GLIS3: variants seen among roughly 807,000 people sequenced by gnomAD.
The protein encoded by GLIS3 is GLIS family zinc finger 3, also known as zinc finger protein GLIS3.
GLIS3 carries 53 observed loss-of-function variants against 78.6 expected under a neutral mutation model. The observed-to-expected ratio is 0.67, with a 90% CI of 0.54 to 0.85. The LOEUF (loss-of-function observed/expected upper bound fraction) is 0.85. Ranked by LOEUF, GLIS3 falls within the 40% of genes least tolerant of loss-of-function variation. The probability of loss-of-function intolerance (pLI) is 0.00; values close to 1 mark genes in which losing one functional copy is unlikely to be tolerated. For synonymous variants in GLIS3, 684 were observed against 509.9 expected (o/e 1.34, Z -4.60); for missense variants, 1,703 against 1,231.1 (o/e 1.38, Z -5.74).
At chr9:4,197,092 T>G (rs76775093) in intron 2 of GLIS3, among the ~76,000 whole-genome samples, 1,991 of 152,178 alleles carry the variant, frequency 0.013, 44 homozygotes, top group East Asian at 0.027. Context: ...TCCTAGCCTA[T>G]ATCAGCAGCC....
intron 4 of GLIS3, among the ~76,000 whole-genome samples, chr9:4,084,605 G>A (rs907397295): frequency 6.6e-6 from 1 of 152,236 alleles, no homozygotes; most frequent in South Asian, 2.1e-4. Context: ...AGCAGCCGAA[G>A]GATGGTGGTT....
intron 1 of GLIS3, among the ~76,000 whole-genome samples, chr9:4,287,184 A>C (rs1400165798): frequency 6.6e-6 from 1 of 152,204 alleles, no homozygotes; most frequent in African/African-American, 2.4e-5. Flanking sequence ...CAACAACAGG[A>C]TACTGCAACC....
the GLIS3 span, among the ~76,000 whole-genome samples, chr9:4,474,977 C>G: frequency 7.3e-6 from 1 of 137,718 alleles, no homozygotes; most frequent in Non-Finnish European, 1.5e-5. Flanking sequence ...ATAAATTGGA[C>G]TATGTTAATT....
chr9:4,059,001 G>GA (rs1032302495), intron 4 of GLIS3, among the ~76,000 whole-genome samples: 1 of 150,042 alleles, frequency 6.7e-6, no homozygotes, highest in Middle Eastern at 3.4e-3. Context: ...AAAAAAAAAA[G>GA]AAAAAAAGAA....
chr9:4,245,078 C>T (rs892380875), intron 2 of GLIS3, among the ~76,000 whole-genome samples: 1 of 152,284 alleles, frequency 6.6e-6, no homozygotes, highest in African/African-American at 2.4e-5. Flanking sequence ...AAATACACAT[C>T]TAGATGCTCT....
At chr9:4,375,964 C>G in the GLIS3 span, among the ~76,000 whole-genome samples, 1 of 152,148 alleles carries the variant, frequency 6.6e-6, no homozygotes, top group East Asian at 1.9e-4. Context: ...ACTTCTCAGT[C>G]TTTGTTCATC....
intron 4 of GLIS3, among the ~76,000 whole-genome samples, chr9:4,067,366 T>C (rs1012163928): frequency 6.6e-6 from 1 of 152,130 alleles, no homozygotes; most frequent in Non-Finnish European, 1.5e-5. Context: ...CTGGTGAAGT[T>C]TGCCTCCTGA....
chr9:4,403,039 T>A, the GLIS3 span, among the ~76,000 whole-genome samples: 2 of 151,982 alleles, frequency 1.3e-5, no homozygotes, highest in East Asian at 3.9e-4. Context: ...CACTCAAAGG[T>A]CAAGGATAAA....
chr9:3,932,868 A>T (rs1402630727), intron 5 of GLIS3: 1 of 372,702 alleles, frequency 2.7e-6, no homozygotes, highest in African/African-American at 2.1e-5. Flanking sequence ...GGGTTCAGGT[A>T]AAGAAGCTGT....
At chr9:4,419,720 C>T in the GLIS3 span, among the ~76,000 whole-genome samples, 1 of 152,110 alleles carries the variant, frequency 6.6e-6, no homozygotes, top group Non-Finnish European at 1.5e-5. Flanking sequence ...GCAGAAGTTG[C>T]AGTGAGCCGA....
intron 4 of GLIS3, among the ~76,000 whole-genome samples, chr9:4,037,062 A>C (rs1032075458): frequency 2.6e-5 from 4 of 152,148 alleles, no homozygotes; most frequent in African/African-American, 9.7e-5. Context: ...ATTTGAAAAA[A>C]ATCACCCCAC....
At position 3,879,687 on chromosome 9, in the gene GLIS3, GGCTT is replaced by G. The variant is rs538681647; in HGVS notation, c.2129-96_2129-93del. The G allele has an allele frequency of 2.5e-4, 343 of 1,394,390 alleles. No homozygotes were observed. The African/African-American group carries it at 2.5e-3, about 10-fold the overall frequency. The allele number at this position is 1,394,390 out of a possible 1,614,324, so 86.4% of individuals were successfully genotyped here. A position where few individuals can be genotyped will look rare whatever the true frequency, so the allele number is the denominator to read the frequency against. Reference sequence around the variant, plus strand: ...AGCCTGACAGCAAGCATATTTGAGGGGCTTGCTTGTTTTTCTCTCAGTGGTTTTC... The same window carrying G: ...AGCCTGACAGCAAGCATATTTGAGGGGCTTGTTTTTCTCTCAGTGGTTTTC... On this transcript the variant is annotated intron_variant, in intron 7 of 10. Coordinates refer to ENST00000381971, the MANE Select transcript of GLIS3 (RefSeq NM_001042413.2).
chr9:3,867,741 GTGTGTGTGTGTGTGAGTGCA>G (rs1820690211), intron 8 of GLIS3, among the ~76,000 whole-genome samples: 1 of 151,632 alleles, frequency 6.6e-6, no homozygotes, highest in African/African-American at 2.4e-5. Flanking sequence ...GTGCGTGTGT[GTGTGTGTGTGTGTGAGTGCA>G]TGTGTGTATG....
At chr9:3,982,367 T>A (rs1263132400) in intron 4 of GLIS3, among the ~76,000 whole-genome samples, 1 of 152,150 alleles carries the variant, frequency 6.6e-6, no homozygotes, top group African/African-American at 2.4e-5. Flanking sequence ...ACATTTCCCC[T>A]ACCCCAGTAC....
chr9:3,989,276 T>G (rs1422372026), intron 4 of GLIS3, among the ~76,000 whole-genome samples: 1 of 152,148 alleles, frequency 6.6e-6, no homozygotes, highest in African/African-American at 2.4e-5. Flanking sequence ...GTGAAGAAAC[T>G]GGATCACTCA....
intron 2 of GLIS3, among the ~76,000 whole-genome samples, chr9:4,332,976 C>T (rs1377301959): frequency 6.6e-6 from 1 of 152,198 alleles, no homozygotes; most frequent in African/African-American, 2.4e-5. Flanking sequence ...TTTTCAGCTC[C>T]CTAATTTTTA....
At chr9:4,353,738 G>T in the GLIS3 span, among the ~76,000 whole-genome samples, 3 of 152,092 alleles carry the variant, frequency 2.0e-5, no homozygotes, top group Non-Finnish European at 2.9e-5. Flanking sequence ...GTTTTTCTGG[G>T]GGCCTCCTTA....
intron 1 of GLIS3, among the ~76,000 whole-genome samples, chr9:4,292,057 G>A (rs990163213): frequency 3.9e-5 from 6 of 152,066 alleles, no homozygotes; most frequent in Non-Finnish European, 7.4e-5. Context: ...AACGAACTTG[G>A]AACCAAAAAG....
At chr9:4,210,314 G>C (rs1301501873) in intron 2 of GLIS3, among the ~76,000 whole-genome samples, 1 of 152,204 alleles carries the variant, frequency 6.6e-6, no homozygotes, top group Non-Finnish European at 1.5e-5. Flanking sequence ...GTAACCATCA[G>C]ATTATCATGC....
Sources: allele counts gnomAD v4.1 joint callset (sites outside exome capture counted in the v4.1 genomes callset), GRCh38; gene constraint gnomAD v4.1.1; transcripts MANE v1.5; gene names NCBI Gene and HGNC (gene_info 2026-07-23, HGNC 2026-07-21).